TRAP1: variants seen among roughly 807,000 people sequenced by gnomAD.
TRAP1 encodes the protein heat shock protein 75 kDa, mitochondrial.
TRAP1 carries 102 observed loss-of-function variants against 89.1 expected under a neutral mutation model. The ratio of observed to expected loss-of-function variants is 1.15; its 90% CI spans 0.98 to 1.35. TRAP1 has a LOEUF of 1.35. Ranked by LOEUF, TRAP1 falls within the 40% of genes most tolerant of loss-of-function variation. The pLI is 0.00. For synonymous variants in TRAP1, 508 were observed against 388.0 expected (o/e 1.31, Z -3.64); for missense variants, 1,256 against 945.3 (o/e 1.33, Z -4.31).
chr16:3,712,285 C>CAAAAAAAAAAAAAA (rs764259574), intron 1 of TRAP1, among the ~76,000 whole-genome samples: 1 of 32,054 alleles, frequency 3.1e-5, no homozygotes, highest in African/African-American at 1.2e-4. Context: ...GAATCTGTCT[C>CAAAAAAAAAAAAAA]AAAAAAAAAA....
At chr16:3,693,867 C>A (rs1015616575) in intron 1 of TRAP1, among the ~76,000 whole-genome samples, 3 of 152,004 alleles carry the variant, frequency 2.0e-5, no homozygotes, top group Admixed American at 6.6e-5. Flanking sequence ...GTGGTGTGCA[C>A]CTGTAGTCCC....
At chr16:3,675,563 C>A (rs998834372) in intron 7 of TRAP1, among the ~76,000 whole-genome samples, 166 bp from the exon 8 acceptor site, 2 of 152,200 alleles carry the variant, frequency 1.3e-5, no homozygotes, top group African/African-American at 2.4e-5. Context: ...GTCCTCCCCC[C>A]AGTCTCACGG....
chr16:3,674,060 T>C (rs533422793), intron 9 of TRAP1, among the ~76,000 whole-genome samples: 50 of 152,312 alleles, frequency 3.3e-4, no homozygotes, highest in African/African-American at 1.2e-3. Flanking sequence ...GAAACCTCTG[T>C]GGTTACCCAC....
intron 4 of TRAP1, among the ~76,000 whole-genome samples, chr16:3,683,204 G>T (rs547206131): frequency 1.3e-5 from 2 of 151,876 alleles, no homozygotes; most frequent in East Asian, 1.9e-4. Context: ...CAAAAACAAG[G>T]AAAGTCTGAG....
chr16:3,671,258 G>GC (rs1285948700), intron 11 of TRAP1, among the ~76,000 whole-genome samples: 2 of 152,264 alleles, frequency 1.3e-5, no homozygotes, highest in Admixed American at 1.3e-4. Flanking sequence ...ACTTGAATGT[G>GC]CTCTAGTAAG....
intron 1 of TRAP1, among the ~76,000 whole-genome samples, chr16:3,709,094 C>A (rs967411175): frequency 6.6e-6 from 1 of 151,546 alleles, no homozygotes; most frequent in South Asian, 2.1e-4. Context: ...GGATTACAGG[C>A]GTGAGCCACC....
At chr16:3,697,027 A>G (rs775348660) in intron 1 of TRAP1, among the ~76,000 whole-genome samples, 5 of 152,090 alleles carry the variant, frequency 3.3e-5, no homozygotes, top group African/African-American at 4.8e-5. Flanking sequence ...CGCCCAGCCT[A>G]AGGTTATGTA....
chr16:3,684,260 G>A (rs548003795), intron 4 of TRAP1, among the ~76,000 whole-genome samples: 79 of 152,236 alleles, frequency 5.2e-4, no homozygotes, highest in African/African-American at 1.7e-3. Context: ...TTTTGCCACC[G>A]GAATGATACT....
intron 2 of TRAP1, among the ~76,000 whole-genome samples, chr16:3,689,388 G>C (rs1218785928): frequency 6.6e-6 from 1 of 151,998 alleles, no homozygotes; most frequent in African/African-American, 2.4e-5. Flanking sequence ...GGGACTACAG[G>C]TGCCTGCCAC....
In TRAP1 at chr16:3,663,722, A is replaced by C. The variant is rs1035351618; in HGVS notation, c.1570-160T>G. 3.7e-5 allele frequency: 30 copies of C among 816,154 alleles called. 1 individual carries two copies. The highest frequency in any genetic ancestry group is 5.6e-5 in the Non-Finnish European group (30 of 532,650). 50.6% of individuals were successfully genotyped at this position (816,154 alleles called of 1,614,324 possible). On this transcript the variant is annotated intron_variant, in intron 13 of 17. Transcript: ENST00000246957. Reference sequence around the variant, plus strand: ...AGGCCTGCATGACAGTTACTACGACACCTGGGTCTAAGGAAGGCTCTGACT... The same window carrying C: ...AGGCCTGCATGACAGTTACTACGACCCCTGGGTCTAAGGAAGGCTCTGACT...
In TRAP1 at chr16:3,663,430, A is replaced by C. The variant is rs2050736870; in HGVS notation, c.1702T>G (p.Ser568Ala). ...GAGAGCAGGGGATGCCGACCTGGGG[A>C]CCTGTCCTCAAACTTCTCCTCCTTG... is the stretch of plus-strand genomic sequence containing the variant. ...HYKEEKFEDR[S>A]PAAECLSEKE... The change falls in exon 14 of 18, where the codon TCC becomes GCC. Residue 568 changes from serine (S) to alanine (A), a missense_variant. Transcript: ENST00000246957. 6.2e-7 allele frequency: 1 copy of C among 1,613,904 alleles called. No homozygotes were observed. The highest frequency in any genetic ancestry group is 1.3e-5 in the African/African-American group (1 of 74,888).
intron 4 of TRAP1, 51 bp from the exon 5 acceptor site, chr16:3,679,841 G>C: frequency 1.9e-6 from 3 of 1,589,098 alleles, no homozygotes; most frequent in Non-Finnish European, 2.6e-6. Flanking sequence ...TGGGGAGCCG[G>C]GTGAGTGCAC....
intron 15 of TRAP1, 138 bp downstream of exon 15, chr16:3,662,744 C>T (rs762216773): frequency 8.8e-6 from 7 of 799,896 alleles, no homozygotes; most frequent in Admixed American, 3.9e-5. Context: ...CAGGGACCCA[C>T]AGGGTCTCCA....
Position 3,664,397 on chromosome 16 carries a change from G to C in TRAP1, c.1446C>G (p.Ser482Arg). 1 of 1,612,292 alleles carries C rather than the reference G, an allele frequency of 6.2e-7. No homozygotes were observed. Among genetic ancestry groups the C allele is most frequent in the Non-Finnish European group, 8.5e-7 (1 of 1,179,422 alleles). The change falls in exon 13 of 18, where the codon AGC becomes AGG. Residue 482 changes from serine to arginine, a missense_variant. Transcript: ENST00000246957. Reference sequence around the variant, plus strand: ...GCATGCGGCTGGCGTATTCTGAGAGGCTGGTTAGCTGCCCGGAGGGCAGCG... The same window carrying C: ...GCATGCGGCTGGCGTATTCTGAGAGCCTGGTTAGCTGCCCGGAGGGCAGCG... ...SSALPSGQLT[S>R]LSEYASRMRA...
At chr16:3,660,503 G>A in intron 16 of TRAP1, 1 of 149,702 alleles carries the variant, frequency 6.7e-6, no homozygotes, top group Non-Finnish European at 1.5e-5. Flanking sequence ...ACAGAAACGA[G>A]CACTTCTGCA....
chr16:3,691,041 T>C lies in TRAP1; in HGVS notation c.89-56A>G, dbSNP rs1045267593. The C allele has an allele frequency of 4.3e-6, 6 of 1,391,426 alleles. No individual in the cohort carries two copies. The East Asian group carries it at 8.1e-5, about 19-fold the overall frequency. The allele number at this position is 1,391,426 out of a possible 1,614,324, so 86.2% of individuals were successfully genotyped here. ...AATTAGGAAGACACGAGAAACAATATGGTAATTCGTCCCATCAAGGGTGTC... is the reference window on the plus strand; with the variant it reads ...AATTAGGAAGACACGAGAAACAATACGGTAATTCGTCCCATCAAGGGTGTC... On this transcript the variant is annotated intron_variant, in intron 1 of 17. Transcript: ENST00000246957.
chr16:3,699,576 A>C (rs1014239371), intron 1 of TRAP1, among the ~76,000 whole-genome samples: 1 of 143,412 alleles, frequency 7.0e-6, no homozygotes, highest in Non-Finnish European at 1.5e-5. Flanking sequence ...CGGTGAGCCG[A>C]GATTGTGCCA....
At chr16:3,670,985 C>T (rs958973685) in intron 11 of TRAP1, among the ~76,000 whole-genome samples, 3 of 152,176 alleles carry the variant, frequency 2.0e-5, no homozygotes, top group Non-Finnish European at 4.4e-5. Context: ...TACCCAGACT[C>T]ATCCTTTTTC....
intron 7 of TRAP1, among the ~76,000 whole-genome samples, chr16:3,675,788 G>T (rs2050982934): frequency 6.6e-6 from 1 of 152,238 alleles, no homozygotes; most frequent in African/African-American, 2.4e-5. Flanking sequence ...TAAAGGCCAA[G>T]GGCCACGCAG....
Sources: allele counts gnomAD v4.1 joint callset (sites outside exome capture counted in the v4.1 genomes callset), GRCh38; gene constraint gnomAD v4.1.1; transcripts MANE v1.5; gene names NCBI Gene and HGNC (gene_info 2026-07-23, HGNC 2026-07-21).